TLN2: variants seen among roughly 807,000 people sequenced by gnomAD.
TLN2 encodes talin-2.
In TLN2, 118 loss-of-function variants were observed where a neutral mutation model predicts 294.7. The ratio of observed to expected loss-of-function variants is 0.40; its 90% CI spans 0.34 to 0.47. TLN2 has a LOEUF of 0.47. TLN2 is among the 20% of genes least tolerant of loss of function. The pLI is 0.84. For synonymous variants in TLN2, 1,431 were observed against 1,304.5 expected, an observed-to-expected ratio of 1.10 and a Z score of -2.09; for missense variants, 3,083 against 3,282.2, an observed-to-expected ratio of 0.94 and a Z score of 1.48.
At chr15:62,552,824 G>A (rs1170534553) in intron 1 of TLN2, among the ~76,000 whole-genome samples, 1 of 152,200 alleles carries the variant, frequency 6.6e-6, no homozygotes, top group African/African-American at 2.4e-5. Flanking sequence ...TGTGATCAGA[G>A]GCTTGTAGGA....
chr15:62,491,398 T>TCACA (rs1567024782), intron 1 of TLN2, among the ~76,000 whole-genome samples: 1 of 126,158 alleles, frequency 7.9e-6, no homozygotes, highest in African/African-American at 2.7e-5. Context: ...ACACACACAT[T>TCACA]TATATAAGAT....
intron 8 of TLN2, 67 bp from the exon 9 acceptor site, chr15:62,657,704 T>C: frequency 6.4e-7 from 1 of 1,562,068 alleles, no homozygotes; most frequent in South Asian, 1.3e-5. Context: ...GCCATGGGAA[T>C]GCGTCAGTGG....
chr15:62,550,857 G>A (rs763295571), intron 1 of TLN2, among the ~76,000 whole-genome samples: 1 of 152,138 alleles, frequency 6.6e-6, no homozygotes, highest in Non-Finnish European at 1.5e-5. Flanking sequence ...CTGGACCAGG[G>A]TCTGCAGGAA....
chr15:62,558,801 G>A (rs1358099895), intron 1 of TLN2, among the ~76,000 whole-genome samples: 2 of 152,126 alleles, frequency 1.3e-5, no homozygotes, highest in Non-Finnish European at 2.9e-5. Flanking sequence ...GTTTGTTCAC[G>A]TAGTTCCCTC....
intron 54 of TLN2, among the ~76,000 whole-genome samples, chr15:62,823,281 T>TA (rs2067738541): frequency 6.6e-6 from 1 of 152,220 alleles, no homozygotes; most frequent in Admixed American, 6.5e-5. Flanking sequence ...TTGTGCCTAA[T>TA]AGGGCACATT....
At chr15:62,662,821 A>ATTTT (rs2054019926) in intron 9 of TLN2, among the ~76,000 whole-genome samples, 2 of 39,548 alleles carry the variant, frequency 5.1e-5, no homozygotes, top group East Asian at 1.1e-3. Context: ...GGATTGAGAG[A>ATTTT]GTTTTTTTTT....
chr15:62,417,318 A>T (rs558862499), intron 1 of TLN2, among the ~76,000 whole-genome samples: 1 of 152,252 alleles, frequency 6.6e-6, no homozygotes, highest in African/African-American at 2.4e-5. Context: ...AATCAGGGAA[A>T]AATCTTTGTT....
intron 24 of TLN2, among the ~76,000 whole-genome samples, chr15:62,718,788 G>A (rs977707402): frequency 1.3e-5 from 2 of 152,158 alleles, no homozygotes; most frequent in Non-Finnish European, 2.9e-5. Flanking sequence ...TCACATGCAG[G>A]GACATGCCAC....
chr15:62,569,757 G>A (rs1276464843), intron 1 of TLN2, among the ~76,000 whole-genome samples: 1 of 152,164 alleles, frequency 6.6e-6, no homozygotes, highest in Admixed American at 6.5e-5. Flanking sequence ...GGATAGGCAC[G>A]GCTGAATTTC....
chr15:62,741,867 C>T (rs2061348707), intron 32 of TLN2, among the ~76,000 whole-genome samples: 1 of 151,244 alleles, frequency 6.6e-6, no homozygotes, highest in African/African-American at 2.4e-5. Flanking sequence ...CTAACTCAGT[C>T]GCATTGGTCA....
intron 34 of TLN2, among the ~76,000 whole-genome samples, chr15:62,751,515 G>C (rs894519042): frequency 6.6e-6 from 1 of 152,198 alleles, no homozygotes; most frequent in Non-Finnish European, 1.5e-5. Context: ...TAGGGAATTT[G>C]TTCCCTTCCA....
intron 1 of TLN2, among the ~76,000 whole-genome samples, chr15:62,486,825 T>TTA (rs1482869552): frequency 2.2e-4 from 33 of 151,276 alleles, no homozygotes; most frequent in African/African-American, 7.7e-4. Flanking sequence ...TTTTTTTTTT[T>TTA]AATGTATATT....
At chr15:62,765,471 G>A (rs2062939814) in intron 40 of TLN2, among the ~76,000 whole-genome samples, 1 of 152,166 alleles carries the variant, frequency 6.6e-6, no homozygotes, top group South Asian at 2.1e-4. Context: ...TGATGAGCAG[G>A]ACATCGCTAC....
intron 1 of TLN2, among the ~76,000 whole-genome samples, chr15:62,480,482 C>T (rs2038022784): frequency 6.6e-6 from 1 of 152,200 alleles, no homozygotes; most frequent in Non-Finnish European, 1.5e-5. Context: ...ACCTCGGCCT[C>T]CCAAAGTGCT....
chr15:62,578,579 A>G (rs1175572012), intron 1 of TLN2, among the ~76,000 whole-genome samples: 3 of 152,180 alleles, frequency 2.0e-5, no homozygotes, highest in Admixed American at 1.3e-4. Context: ...ACAAACAAAC[A>G]AAAACCCCCA....
intron 28 of TLN2, among the ~76,000 whole-genome samples, chr15:62,736,315 C>CA (rs61124774): frequency 0.059 from 4,401 of 74,662 alleles, 102 homozygotes; most frequent in African/African-American, 0.11. Flanking sequence ...GACTCTGTCT[C>CA]AAAAAAAAAA....
At chr15:62,836,459 C>G (rs973398099) in intron 57 of TLN2, among the ~76,000 whole-genome samples, 1 of 152,230 alleles carries the variant, frequency 6.6e-6, no homozygotes, top group Non-Finnish European at 1.5e-5. Flanking sequence ...TACTGTAGGT[C>G]TGTCTGTGAG....
intron 1 of TLN2, among the ~76,000 whole-genome samples, chr15:62,461,402 C>T (rs1355715372): frequency 6.6e-6 from 1 of 152,148 alleles, no homozygotes; most frequent in African/African-American, 2.4e-5. Context: ...TCATTTTGTT[C>T]ATATTACGTA....
At chr15:62,711,797 G>A (rs185716369) in intron 21 of TLN2, 114 bp from the exon 22 acceptor site, 2 of 1,240,486 alleles carry the variant, frequency 1.6e-6, no homozygotes, top group East Asian at 4.9e-5. Context: ...TGGAGGTTCA[G>A]TTTTTTTGCT....
Sources: gnomAD v4.1 joint callset for allele counts (sites outside exome capture counted in the v4.1 genomes callset) on GRCh38, gnomAD v4.1.1 for gene constraint, MANE v1.5 for transcripts, NCBI Gene and HGNC (gene_info 2026-07-23, HGNC 2026-07-21) for gene names.